PRKN: variants seen among roughly 807,000 people sequenced by gnomAD.
PRKN encodes parkin RBR E3 ubiquitin protein ligase, also known as E3 ubiquitin-protein ligase parkin.
A neutral mutation model predicts 59.5 loss-of-function variants in PRKN; 56 were observed. The observed-to-expected ratio is 0.94, with a 90% confidence interval of 0.76 to 1.18. The LOEUF (loss-of-function observed/expected upper bound fraction) is 1.18. Among genes scored for constraint, PRKN ranks in the 50% most tolerant of loss-of-function variants. PRKN has a pLI of 0.00. For missense variants in PRKN, 657 were observed against 596.4 expected, an observed-to-expected ratio of 1.10 and a Z score of -1.06; for synonymous variants, 250 against 222.1, an observed-to-expected ratio of 1.13 and a Z score of -1.12.
At chr6:161,601,021 C>T (rs1277933407) in intron 7 of PRKN, among the ~76,000 whole-genome samples, 1 of 152,130 alleles carries the variant, frequency 6.6e-6, no homozygotes, top group Non-Finnish European at 1.5e-5. Flanking sequence ...ATTGAAAATT[C>T]CTAAGTGTCA....
chr6:161,357,426 C>A lies in PRKN; in HGVS notation c.1285+2662G>T, dbSNP rs1216399486. Among the ~76,000 whole-genome samples, 1 of 152,216 alleles carries A rather than the reference C, an allele frequency of 6.6e-6. No homozygotes were observed. On this transcript the variant is annotated intron_variant, in intron 11 of 11. Coordinates refer to ENST00000366898, the MANE Select transcript of PRKN (RefSeq NM_004562.3). The surrounding 1 kb of genome is among the most constrained non-coding windows in gnomAD (Gnocchi z 5.5). Reference sequence around the variant, plus strand: ...ACCGAGGAGGCCACTAAGGCATGGACCCCAGACCTGCTGGGTAAATTCTCC... The same window carrying A: ...ACCGAGGAGGCCACTAAGGCATGGAACCCAGACCTGCTGGGTAAATTCTCC...
At chr6:162,569,565 TCACAAGC>T (rs1780225941) in intron 1 of PRKN, 6 of 716,896 alleles carry the variant, frequency 8.4e-6, no homozygotes, top group Non-Finnish European at 1.6e-5. Flanking sequence ...TATGGGGGTC[TCACAAGC>T]CCTGGCCTCA....
At chr6:162,198,548 T>C (rs1784590419) in intron 4 of PRKN, among the ~76,000 whole-genome samples, 2 of 152,182 alleles carry the variant, frequency 1.3e-5, no homozygotes, top group South Asian at 4.1e-4. Context: ...ATGTTCTGGC[T>C]ACTGTTCTAA....
At chr6:162,442,086 C>G (rs1195957986) in intron 2 of PRKN, among the ~76,000 whole-genome samples, 4 of 152,164 alleles carry the variant, frequency 2.6e-5, no homozygotes, top group African/African-American at 9.7e-5. Context: ...CAGAGGCCAG[C>G]AGTTTGTGCA....
chr6:162,391,643 G>T (rs796700742), intron 2 of PRKN, among the ~76,000 whole-genome samples: 6 of 152,290 alleles, frequency 3.9e-5, no homozygotes, highest in African/African-American at 1.4e-4. Context: ...TACTGCACAT[G>T]CTTGACGTGG....
chr6:161,795,174 G>A (rs532897089), intron 6 of PRKN, among the ~76,000 whole-genome samples: 5 of 151,276 alleles, frequency 3.3e-5, no homozygotes, highest in African/African-American at 1.2e-4. Context: ...ATGAGTCACC[G>A]TGCCTGGCCT....
intron 7 of PRKN, among the ~76,000 whole-genome samples, chr6:161,725,098 G>A (rs546599267): frequency 1.6e-4 from 24 of 152,262 alleles, no homozygotes; most frequent in Non-Finnish European, 2.8e-4. Flanking sequence ...AGACGCTGGC[G>A]CCATGCTTCC....
intron 1 of PRKN, among the ~76,000 whole-genome samples, chr6:162,711,417 A>AT (rs1321111454): frequency 6.4e-5 from 2 of 31,198 alleles, no homozygotes; most frequent in Admixed American, 6.8e-4. Context: ...CAAAACTGCT[A>AT]TTTAAAAAAA....
intron 7 of PRKN, among the ~76,000 whole-genome samples, chr6:161,602,104 T>TTATCTATCTATCTATC (rs75473524): frequency 0.066 from 9,962 of 150,490 alleles, 741 homozygotes; most frequent in African/African-American, 0.18. Flanking sequence ...TTAGGGGAGA[T>TTATCTATCTATCTATC]TATCTATCTA....
intron 7 of PRKN, among the ~76,000 whole-genome samples, chr6:161,641,071 G>T (rs1783719989): frequency 6.6e-6 from 1 of 152,260 alleles, no homozygotes; most frequent in South Asian, 2.1e-4. Context: ...AGCTATCATT[G>T]TTCATTCCCG....
chr6:161,978,023 A>T (rs1781118625), intron 5 of PRKN, among the ~76,000 whole-genome samples: 1 of 129,312 alleles, frequency 7.7e-6, no homozygotes, highest in East Asian at 1.9e-4. Flanking sequence ...ATTGTATTTT[A>T]TTTTATTGTA....
chr6:162,284,670 A>G (rs1781100382), intron 2 of PRKN, among the ~76,000 whole-genome samples: 1 of 152,234 alleles, frequency 6.6e-6, no homozygotes, highest in Non-Finnish European at 1.5e-5. Flanking sequence ...AAAATGAACA[A>G]GAATATTGGA....
intron 1 of PRKN, among the ~76,000 whole-genome samples, chr6:162,593,052 A>T (rs921251224): frequency 6.6e-6 from 1 of 152,156 alleles, no homozygotes; most frequent in Non-Finnish European, 1.5e-5. Flanking sequence ...AGGAGAGACA[A>T]GTGCTGCTGG....
chr6:161,618,594 A>C (rs1378784367), intron 7 of PRKN, among the ~76,000 whole-genome samples: 1 of 152,228 alleles, frequency 6.6e-6, no homozygotes, highest in African/African-American at 2.4e-5. Flanking sequence ...TGTGCATAAA[A>C]TTCAAATTCT....
chr6:161,733,783 A>AATAT (rs1554298473), intron 7 of PRKN, among the ~76,000 whole-genome samples: 2 of 86,224 alleles, frequency 2.3e-5, no homozygotes, highest in Non-Finnish European at 3.9e-5. Context: ...AAAAAAAAAA[A>AATAT]ATATATATAT....
intron 5 of PRKN, among the ~76,000 whole-genome samples, chr6:161,999,070 TG>T (rs1476166702): frequency 6.6e-6 from 1 of 151,976 alleles, no homozygotes; most frequent in African/African-American, 2.4e-5. Context: ...TAGGAAAGGG[TG>T]AAGAAGGATT....
chr6:162,065,707 C>G (rs1408010161), intron 4 of PRKN, among the ~76,000 whole-genome samples: 1 of 152,134 alleles, frequency 6.6e-6, no homozygotes, highest in Non-Finnish European at 1.5e-5. Context: ...TCTCCTAATG[C>G]CATCCCTCCC....
intron 1 of PRKN, among the ~76,000 whole-genome samples, chr6:162,692,571 C>CA (rs1202782712): frequency 3.1e-4 from 2 of 6,496 alleles, no homozygotes; most frequent in South Asian, 1.9e-3. Context: ...ACAAGACAGA[C>CA]CCCCCCCAAC....
chr6:161,651,153 C>T (rs1395931636), intron 7 of PRKN, among the ~76,000 whole-genome samples: 2 of 152,194 alleles, frequency 1.3e-5, no homozygotes, highest in East Asian at 3.9e-4. Flanking sequence ...AAGACATATA[C>T]ATCTAAGATT....
Sources: gnomAD v4.1 joint callset for allele counts (sites outside exome capture counted in the v4.1 genomes callset) on GRCh38, gnomAD v4.1.1 for gene constraint, Gnocchi (gnomAD v3.1) non-coding constraint, MANE v1.5 for transcripts, NCBI Gene and HGNC (gene_info 2026-07-23, HGNC 2026-07-21) for gene names.